PCLO: variants seen among roughly 807,000 people sequenced by gnomAD.
The protein encoded by PCLO is piccolo presynaptic cytomatrix protein.
PCLO carries 82 observed loss-of-function variants against 427.5 expected under a neutral mutation model. That is an observed-to-expected ratio of 0.19 (90% confidence interval 0.16 to 0.23). PCLO has a LOEUF of 0.23. Ranked by LOEUF, PCLO falls within the 10% of genes least tolerant of loss-of-function variation. The pLI is 1.00. For synonymous variants in PCLO, 2,357 were observed against 2,155.4 expected (o/e 1.09, Z -2.59); for missense variants, 6,239 against 6,115.9 (o/e 1.02, Z -0.67).
chr7:82,950,876 C>T lies in PCLO; in HGVS notation c.9712G>A (p.Glu3238Lys). The change falls in exon 6 of 25, where the codon GAA (glutamate) becomes AAA (lysine). Residue 3238 changes from glutamate (E) to lysine (K), a missense_variant. By Grantham distance (56) the Glu-to-Lys change is moderately conservative. This residue lies in a region of PCLO where 4,677 missense variants were observed against 4,468.4 expected (regional missense o/e 1.05). Transcript: ENST00000333891. ...CGGAACCTTTGAATTTCCTGACGTT[C>T]CCACTCCAATTCCTCAGCAAAGCGC... is the stretch of plus-strand genomic sequence containing the variant. The part of the protein sequence containing the change: ...QQRFAEELEW[E>K]RQEIQRFREQ... 1.2e-6 allele frequency: 2 copies of T among 1,613,496 alleles called. No individual in the cohort carries two copies. The highest frequency in any genetic ancestry group is 1.3e-5 in the African/African-American group (1 of 75,036).
At chr7:82,776,990 A>G (rs1006468243) in intron 22 of PCLO, among the ~76,000 whole-genome samples, 21 of 151,970 alleles carry the variant, frequency 1.4e-4, no homozygotes, top group African/African-American at 4.6e-4. Flanking sequence ...TGTGATGTTA[A>G]GTTGTTAATT....
intron 2 of PCLO, among the ~76,000 whole-genome samples, chr7:83,143,879 A>G (rs987836835): frequency 3.3e-5 from 5 of 152,216 alleles, no homozygotes; most frequent in Non-Finnish European, 7.3e-5. Context: ...ATACCACAAA[A>G]TATTGCAGCT....
intron 3 of PCLO, among the ~76,000 whole-genome samples, chr7:83,053,626 T>C (rs943150175): frequency 6.6e-6 from 1 of 151,874 alleles, no homozygotes; most frequent in Non-Finnish European, 1.5e-5. Context: ...TTTAGTTAGA[T>C]CGACATTGAC....
At chr7:83,124,769 G>A (rs1034366847) in intron 3 of PCLO, among the ~76,000 whole-genome samples, 4 of 151,670 alleles carry the variant, frequency 2.6e-5, no homozygotes, top group Admixed American at 6.6e-5. Context: ...CCTCTCCCTC[G>A]TCTCCCTCTC....
chr7:82,879,598 A>T, intron 9 of PCLO, 136 bp from the exon 10 acceptor site: 1 of 621,568 alleles, frequency 1.6e-6, no homozygotes, highest in South Asian at 2.2e-5. Context: ...TGAACACCAA[A>T]ACCAAAGTAT....
At chr7:83,056,572 T>C (rs1303122992) in intron 3 of PCLO, among the ~76,000 whole-genome samples, 2 of 152,170 alleles carry the variant, frequency 1.3e-5, no homozygotes, top group Non-Finnish European at 2.9e-5. Flanking sequence ...CCAGAGAAAA[T>C]ATTCAGCTCC....
chr7:82,999,243 T>G (rs537579160), intron 3 of PCLO, among the ~76,000 whole-genome samples: 12 of 144,058 alleles, frequency 8.3e-5, no homozygotes, highest in African/African-American at 3.0e-4. Context: ...TTATATAAAA[T>G]ATATATGGAT....
intron 23 of PCLO, among the ~76,000 whole-genome samples, chr7:82,761,118 T>A (rs1021177864): frequency 2.2e-4 from 33 of 151,636 alleles, no homozygotes; most frequent in African/African-American, 7.0e-4. Flanking sequence ...AACTGATATA[T>A]CTATTTTTCT....
At chr7:82,971,360 G>T (rs928519206) in intron 3 of PCLO, among the ~76,000 whole-genome samples, 4 of 151,208 alleles carry the variant, frequency 2.6e-5, no homozygotes, top group Non-Finnish European at 4.4e-5. Flanking sequence ...TTTTATCTTT[G>T]AAATATCTTC....
chr7:83,025,779 A>G (rs1788478323), intron 3 of PCLO, among the ~76,000 whole-genome samples: 1 of 152,160 alleles, frequency 6.6e-6, no homozygotes, highest in African/African-American at 2.4e-5. Flanking sequence ...TACAAGCCAG[A>G]AGAGAGTGGG....
chr7:82,821,418 C>T (rs1033135601), intron 20 of PCLO: 1 of 985,528 alleles, frequency 1.0e-6, no homozygotes, highest in African/African-American at 1.7e-5. Context: ...TTTTCAAATG[C>T]CAAAATGACA....
At chr7:83,126,337 T>C (rs1433946179) in intron 3 of PCLO, among the ~76,000 whole-genome samples, 1 of 152,154 alleles carries the variant, frequency 6.6e-6, no homozygotes, top group Non-Finnish European at 1.5e-5. Flanking sequence ...TACAGTCAAC[T>C]ATAATTAATT....
chr7:83,075,313 A>C (rs1789924177), intron 3 of PCLO, among the ~76,000 whole-genome samples: 1 of 152,072 alleles, frequency 6.6e-6, no homozygotes, highest in African/African-American at 2.4e-5. Context: ...TTGGATGAGG[A>C]GTCAGTCAGG....
chr7:83,119,737 T>A (rs1791225831), intron 3 of PCLO, among the ~76,000 whole-genome samples: 1 of 151,606 alleles, frequency 6.6e-6, no homozygotes, highest in Non-Finnish European at 1.5e-5. Flanking sequence ...ATATGCAACC[T>A]TTCAGACGGA....
In PCLO at chr7:82,846,669, G is replaced by C. The variant is rs377616503; in HGVS notation, c.13764-35C>G. On this transcript the variant is annotated intron_variant, in intron 11 of 24. Coordinates refer to ENST00000333891, the MANE Select transcript of PCLO (RefSeq NM_033026.6). ...AAAACAAAACATTAAGAAAGATATT[G>C]AGGAAATCTGAGACAAAGAGCACTT... 3.7e-5 allele frequency: 51 copies of C among 1,392,560 alleles called. No homozygotes were observed. In the African/African-American group the frequency reaches 7.2e-4, roughly 20 times the overall value. 86.3% of individuals were successfully genotyped at this position (1,392,560 alleles called of 1,614,324 possible). A position where few individuals can be genotyped will look rare whatever the true frequency, so the allele number is the denominator to read the frequency against.
intron 20 of PCLO, 53 bp downstream of exon 20, chr7:82,822,442 G>T: frequency 6.2e-7 from 1 of 1,612,362 alleles, no homozygotes; most frequent in Non-Finnish European, 8.5e-7. Context: ...GGAAAGAAAG[G>T]CAACAGATGA....
intron 3 of PCLO, among the ~76,000 whole-genome samples, chr7:82,990,937 G>T (rs1257864936): frequency 6.6e-6 from 1 of 152,034 alleles, no homozygotes; most frequent in Non-Finnish European, 1.5e-5. Flanking sequence ...GTTCAAAATT[G>T]ATATTCATTT....
intron 10 of PCLO, among the ~76,000 whole-genome samples, chr7:82,862,361 T>G (rs1792979309): frequency 6.6e-6 from 1 of 151,786 alleles, no homozygotes; most frequent in South Asian, 2.1e-4. Flanking sequence ...GGAATGTAAA[T>G]TGCTACAGTC....
chr7:83,147,741 A>T (rs1415203901), intron 2 of PCLO, among the ~76,000 whole-genome samples: 1 of 152,196 alleles, frequency 6.6e-6, no homozygotes, highest in Non-Finnish European at 1.5e-5. Context: ...TACCAGTGTT[A>T]ATTTTAGTTA....
Sources: allele counts gnomAD v4.1 joint callset (sites outside exome capture counted in the v4.1 genomes callset), GRCh38; gene constraint gnomAD v4.1.1; regional missense constraint gnomAD v4.1.1; transcripts MANE v1.5; gene names NCBI Gene and HGNC (gene_info 2026-07-23, HGNC 2026-07-21).